Variants in ANKS1B observed in about 807,000 individuals in gnomAD.
The protein encoded by ANKS1B is ankyrin repeat and sterile alpha motif domain-containing protein 1B.
ANKS1B carries 36 observed loss-of-function variants against 148.3 expected under a neutral mutation model. The observed-to-expected ratio is 0.24, with a 90% CI of 0.19 to 0.32. The LOEUF (loss-of-function observed/expected upper bound fraction) is 0.32, where lower values mean the gene tolerates loss of function less well. ANKS1B is among the 10% of genes least tolerant of loss of function. The pLI, the probability that ANKS1B is intolerant of heterozygous loss-of-function variation, is 1.00. For synonymous variants in ANKS1B, 542 were observed against 560.8 expected, an observed-to-expected ratio of 0.97 and a Z score of 0.47; for missense variants, 1,157 against 1,542.6, an observed-to-expected ratio of 0.75 and a Z score of 4.19.
At chr12:99,939,893 T>C (rs1373363148) in intron 1 of ANKS1B, among the ~76,000 whole-genome samples, 1 of 152,190 alleles carries the variant, frequency 6.6e-6, no homozygotes, top group Non-Finnish European at 1.5e-5. Flanking sequence ...TAGTTCCAAA[T>C]GGACAGCTAA....
intron 19 of ANKS1B, among the ~76,000 whole-genome samples, chr12:98,824,409 T>C (rs945024830): frequency 6.6e-6 from 1 of 152,244 alleles, no homozygotes; most frequent in African/African-American, 2.4e-5. Context: ...ACTCTCTTTG[T>C]CATTAATTGG....
intron 10 of ANKS1B, among the ~76,000 whole-genome samples, chr12:99,458,994 T>C (rs1433429198): frequency 6.6e-6 from 1 of 152,092 alleles, no homozygotes; most frequent in Non-Finnish European, 1.5e-5. Flanking sequence ...CTGATTAACA[T>C]AGATACAAAA....
At chr12:99,313,187 T>C (rs2083432553) in intron 12 of ANKS1B, among the ~76,000 whole-genome samples, 1 of 152,142 alleles carries the variant, frequency 6.6e-6, no homozygotes, top group African/African-American at 2.4e-5. Flanking sequence ...AATGAATAGA[T>C]TCCTGGACAC....
At chr12:99,842,638 A>G (rs1192570811) in intron 1 of ANKS1B, among the ~76,000 whole-genome samples, 3 of 151,920 alleles carry the variant, frequency 2.0e-5, no homozygotes, top group Non-Finnish European at 4.4e-5. Context: ...GTAATTTTCC[A>G]TCCACTGACC....
intron 1 of ANKS1B, among the ~76,000 whole-genome samples, chr12:99,889,640 A>G (rs1017447519): frequency 6.6e-6 from 1 of 152,218 alleles, no homozygotes; most frequent in Admixed American, 6.5e-5. Context: ...CACTAAAGGT[A>G]GAATACTTAA....
At chr12:98,892,344 T>C (rs1294628578) in intron 17 of ANKS1B, among the ~76,000 whole-genome samples, 1 of 152,220 alleles carries the variant, frequency 6.6e-6, no homozygotes, top group African/African-American at 2.4e-5. Flanking sequence ...AATGGCTTGA[T>C]AACAAACTGG....
chr12:99,180,838 C>A (rs1478907020), intron 14 of ANKS1B, among the ~76,000 whole-genome samples: 1 of 151,636 alleles, frequency 6.6e-6, no homozygotes, highest in East Asian at 1.9e-4. Context: ...TCTTTCTGAT[C>A]CTCTCCTGCC....
At chr12:98,768,086 G>A (rs2098509592) in intron 25 of ANKS1B, among the ~76,000 whole-genome samples, 1 of 152,170 alleles carries the variant, frequency 6.6e-6, no homozygotes, top group East Asian at 1.9e-4. Context: ...AGAAGGTGGA[G>A]TTTGGGGAAG....
At chr12:98,912,348 C>T (rs2099787986) in intron 17 of ANKS1B, among the ~76,000 whole-genome samples, 1 of 152,198 alleles carries the variant, frequency 6.6e-6, no homozygotes, top group Non-Finnish European at 1.5e-5. Context: ...AGTAGCTGCA[C>T]TGCACTCTAG....
chr12:99,264,487 T>C (rs1012796123), intron 12 of ANKS1B, among the ~76,000 whole-genome samples: 2 of 152,186 alleles, frequency 1.3e-5, no homozygotes, highest in Non-Finnish European at 2.9e-5. Context: ...GAAGCGTTTA[T>C]GATCTTACAG....
intron 12 of ANKS1B, among the ~76,000 whole-genome samples, chr12:99,249,959 A>G (rs1360211500): frequency 6.6e-6 from 1 of 152,222 alleles, no homozygotes; most frequent in African/African-American, 2.4e-5. Context: ...AGGTATGTTG[A>G]AACCAACAGA....
At chr12:98,979,127 G>A (rs905905731) in intron 17 of ANKS1B, among the ~76,000 whole-genome samples, 3 of 151,198 alleles carry the variant, frequency 2.0e-5, no homozygotes, top group African/African-American at 7.3e-5. Flanking sequence ...GGGCAACAGA[G>A]CGAGACTCTG....
chr12:99,246,302 T>C lies in ANKS1B; in HGVS notation c.2319A>G (p.Thr773=). Residue 773 remains threonine, a synonymous_variant, in exon 13 of 27, where the codon ACA becomes ACG. Transcript: ENST00000683438. The part of the protein sequence containing the change: ...EHSSKGNSER[T]PSFTSEWEEI... The stretch of plus-strand genomic sequence containing the variant: ...CTTCCCATTCCGATGTGAAGGATGG[T>C]GTTCTTTCAGAATTCCCTTTAGAAC... 6.2e-7 allele frequency: 1 copy of C among 1,600,274 alleles called. No individual in the cohort carries two copies. Among genetic ancestry groups the C allele is most frequent in the South Asian group, 1.1e-5 (1 of 88,584 alleles).
chr12:99,532,186 A>G (rs2097002688), intron 9 of ANKS1B, among the ~76,000 whole-genome samples: 1 of 152,174 alleles, frequency 6.6e-6, no homozygotes, highest in Non-Finnish European at 1.5e-5. Flanking sequence ...GCAGTGCAGA[A>G]GCTTTTTCAT....
intron 2 of ANKS1B, among the ~76,000 whole-genome samples, chr12:99,820,118 A>G (rs938211616): frequency 6.6e-6 from 1 of 152,096 alleles, no homozygotes; most frequent in African/African-American, 2.4e-5. Flanking sequence ...TGTTTTATTA[A>G]CCATGATTTT....
chr12:99,090,599 A>G (rs2053682691), intron 15 of ANKS1B, among the ~76,000 whole-genome samples: 1 of 152,162 alleles, frequency 6.6e-6, no homozygotes, highest in African/African-American at 2.4e-5. Context: ...TACACATAGA[A>G]AAACATGTAC....
At chr12:99,281,444 G>C (rs1271324123) in intron 12 of ANKS1B, among the ~76,000 whole-genome samples, 1 of 152,160 alleles carries the variant, frequency 6.6e-6, no homozygotes, top group African/African-American at 2.4e-5. Flanking sequence ...ACCATGACCA[G>C]TGTTCTGGCT....
intron 1 of ANKS1B, among the ~76,000 whole-genome samples, chr12:99,982,557 T>C (rs2095718077): frequency 6.6e-6 from 1 of 152,222 alleles, no homozygotes; most frequent in Admixed American, 6.5e-5. Context: ...TTATAACTGA[T>C]GGATCCACAG....
At chr12:99,156,794 C>G (rs2076108947) in intron 14 of ANKS1B, among the ~76,000 whole-genome samples, 2 of 152,072 alleles carry the variant, frequency 1.3e-5, no homozygotes, top group Admixed American at 1.3e-4. Context: ...TTGTTTGTGT[C>G]TGACTTATTT....
Sources: allele counts gnomAD v4.1 joint callset (sites outside exome capture counted in the v4.1 genomes callset), GRCh38; gene constraint gnomAD v4.1.1; transcripts MANE v1.5; gene names NCBI Gene and HGNC (gene_info 2026-07-23, HGNC 2026-07-21).